ZNF774: variants seen among roughly 807,000 people sequenced by gnomAD.
ZNF774 encodes zinc finger protein 774.
Under a neutral mutation model 11.1 loss-of-function variants are expected in ZNF774, and 14 were observed. That is an observed-to-expected ratio of 1.26 (90% CI 0.83 to 1.97). The LOEUF (loss-of-function observed/expected upper bound fraction) is 1.97. Ranked by LOEUF, ZNF774 falls within the 30% of genes most tolerant of loss-of-function variation. The pLI, the probability that ZNF774 is intolerant of heterozygous loss-of-function variation, is 0.00. For synonymous variants in ZNF774, 195 were observed against 212.6 expected, an observed-to-expected ratio of 0.92 and a Z score of 0.72; for missense variants, 599 against 587.0, an observed-to-expected ratio of 1.02 and a Z score of -0.21.
At chr15:90,352,529 GC>G in intron 1 of ZNF774, 118 bp downstream of exon 1, 1 of 152,494 alleles carries the variant, frequency 6.6e-6, no homozygotes, top group Non-Finnish European at 1.5e-5. Flanking sequence ...GCCTTTGGGA[GC>G]CCCCGGGTCT....
In ZNF774 at chr15:90,361,252, T is replaced by G. The variant is rs751304289; in HGVS notation, c.1421T>G (p.Leu474Arg). ...AAGAGCTTCCGTCAGAAAGCGCATCTTTTATGCCATCAAAACACCCATTTG... is the reference window on the plus strand; with the variant it reads ...AAGAGCTTCCGTCAGAAAGCGCATCGTTTATGCCATCAAAACACCCATTTG... Reference protein sequence around the residue: ...CNKSFRQKAHLLCHQNTHLI With the variant: ...CNKSFRQKAHRLCHQNTHLI Residue 474 changes from leucine (L) to arginine (R), a missense_variant, in exon 4 of 4, where the codon CTT becomes CGT. Transcript: ENST00000354377. The G allele has an allele frequency of 9.3e-6, 15 of 1,607,848 alleles. No homozygotes were observed. In the East Asian group the frequency reaches 2.9e-4, roughly 31 times the overall value.
chr15:90,354,075 TA>T (rs11333989), intron 1 of ZNF774, among the ~76,000 whole-genome samples: 2,027 of 150,844 alleles, frequency 0.013, 29 homozygotes, highest in African/African-American at 0.04. Flanking sequence ...TTCTTTTTTT[TA>T]AAAAAAAAAT....
rs59687959 is a variant in ZNF774 at position 90,362,748 on chromosome 15, T to TACACAC, written c.*1498_*1503dup. 1,262 of 489,496 alleles carry TACACAC rather than the reference T, an allele frequency of 2.6e-3. 6 individuals are homozygous for TACACAC. The highest frequency in any genetic ancestry group is 3.3e-3 in the Middle Eastern group (6 of 1,814). The allele number at this position is 489,496 out of a possible 1,614,324, so 30.3% of individuals were successfully genotyped here. A position where few individuals can be genotyped will look rare whatever the true frequency, so the allele number is the denominator to read the frequency against. The stretch of plus-strand genomic sequence containing the variant: ...CAAGGTTGTTGTGAGGATCTAAAAA[T>TACACAC]ACACACACACACACACACACACACA... On this transcript the variant is annotated 3_prime_UTR_variant, in exon 4 of 4. Coordinates refer to ENST00000354377, the MANE Select transcript of ZNF774 (RefSeq NM_001004309.3).
chr15:90,356,006 C>T (rs572321881), intron 2 of ZNF774, among the ~76,000 whole-genome samples: 7 of 135,888 alleles, frequency 5.2e-5, no homozygotes, highest in East Asian at 2.2e-4. Context: ...CCATCCTGGG[C>T]GACAGAGCAA....
rs530184524 is a variant in ZNF774, at chr15:90,360,190, A to G, written c.359A>G (p.Gln120Arg). 1.2e-6 allele frequency: 2 copies of G among 1,614,202 alleles called. No homozygotes were observed. The highest frequency in any genetic ancestry group is 4.5e-5 in the East Asian group (2 of 44,884). ...NWEQGLELEG[Q>R]HGTLPGEGQL... ...GAGCAAGGCCTAGAATTAGAAGGGC[A>G]ACATGGAACCCTTCCAGGAGAGGGC... Residue 120 changes from glutamine (Q) to arginine (R), a missense_variant, in exon 4 of 4, where the codon CAA becomes CGA. Transcript: ENST00000354377.
chr15:90,359,022 T>C, intron 3 of ZNF774, 65 bp downstream of exon 3: 1 of 1,294,348 alleles, frequency 7.7e-7, no homozygotes, highest in Non-Finnish European at 1.1e-6. Context: ...GATGAAGAAT[T>C]TGGAATGCTG....
intron 1 of ZNF774, among the ~76,000 whole-genome samples, chr15:90,353,425 A>AGTGTGTGTGTGTGTGTGTGTGT: frequency 7.2e-6 from 1 of 139,354 alleles, no homozygotes. Flanking sequence ...TTCCCCCAAA[A>AGTGTGTGTGTGTGTGTGTGTGT]GTGTGTGTGT....
Position 90,354,686 on chromosome 15 carries a change from G to A in ZNF774, c.26G>A (p.Ser9Asn). 1 of 1,611,350 alleles carries A rather than the reference G, an allele frequency of 6.2e-7. No homozygotes were observed. Among genetic ancestry groups the A allele is most frequent in the South Asian group, 1.1e-5 (1 of 90,126 alleles). MWLGTSGK[S>N]GLPGHCLENP... is the part of the protein sequence containing the mutation. ...ATGTGGCTGGGGACTTCAGGGAAGAGTGGGTTACCTGGACACTGCTTAGAG... is the reference window on the plus strand; with the variant it reads ...ATGTGGCTGGGGACTTCAGGGAAGAATGGGTTACCTGGACACTGCTTAGAG... Residue 9 changes from serine to asparagine, a missense_variant, in exon 2 of 4, where the codon AGT becomes AAT. Coordinates refer to ENST00000354377, the MANE Select transcript of ZNF774 (RefSeq NM_001004309.3).
In ZNF774 at chr15:90,360,029, C is replaced by A; in HGVS notation, c.212-14C>A. The A allele has an allele frequency of 1.3e-6, 2 of 1,584,796 alleles. No homozygotes were observed. The highest frequency in any genetic ancestry group is 8.6e-7 in the Non-Finnish European group (1 of 1,166,076). On this transcript the variant is annotated splice_polypyrimidine_tract_variant and intron_variant, in intron 3 of 3. Transcript: ENST00000354377. Reference sequence around the variant, plus strand: ...TGATAACTTTATTCTCTGTTACTTACATTAATTTTTCAGACTGTGAGCATC... The same window carrying A: ...TGATAACTTTATTCTCTGTTACTTAAATTAATTTTTCAGACTGTGAGCATC...
At chr15:90,359,158 C>T (rs960153862) in intron 3 of ZNF774, among the ~76,000 whole-genome samples, 9 of 150,942 alleles carry the variant, frequency 6.0e-5, no homozygotes, top group South Asian at 2.1e-4. Flanking sequence ...CTGCAAGCTC[C>T]GCTTCCCGGG....
Position 90,362,576 on chromosome 15 carries a change from A to C in ZNF774, c.*1293A>C. ...CCAGGTTATGCACTAGTACATTCCTACATTCAATTGAAATAAATTGAGGGA... is the reference window on the plus strand; with the variant it reads ...CCAGGTTATGCACTAGTACATTCCTCCATTCAATTGAAATAAATTGAGGGA... On this transcript the variant is annotated 3_prime_UTR_variant, in exon 4 of 4. Coordinates refer to ENST00000354377, the MANE Select transcript of ZNF774 (RefSeq NM_001004309.3). 6.5e-7 allele frequency: 1 copy of C among 1,535,818 alleles called. No homozygotes were observed. The highest frequency in any genetic ancestry group is 8.7e-7 in the Non-Finnish European group (1 of 1,146,642).
intron 1 of ZNF774, among the ~76,000 whole-genome samples, chr15:90,353,125 AC>A (rs1964196708): frequency 6.6e-6 from 1 of 151,806 alleles, no homozygotes; most frequent in East Asian, 1.9e-4. Context: ...GTGCCACCAC[AC>A]CCGGCTAATT....
chr15:90,362,567 T>C lies in ZNF774; in HGVS notation c.*1284T>C. ...TAGGGCCATCCAGGTTATGCACTAGTACATTCCTACATTCAATTGAAATAA... is the reference window on the plus strand; with the variant it reads ...TAGGGCCATCCAGGTTATGCACTAGCACATTCCTACATTCAATTGAAATAA... On this transcript the variant is annotated 3_prime_UTR_variant, in exon 4 of 4. Coordinates refer to ENST00000354377, the MANE Select transcript of ZNF774 (RefSeq NM_001004309.3). 2 of 1,535,878 alleles carry C rather than the reference T, an allele frequency of 1.3e-6. No homozygotes were observed.
Position 90,360,944 on chromosome 15 carries a change from T to C in ZNF774, c.1113T>C (p.Gly371=). 1 of 1,613,946 alleles carries C rather than the reference T, an allele frequency of 6.2e-7. No individual in the cohort carries two copies. Among genetic ancestry groups the C allele is most frequent in the East Asian group, 2.2e-5 (1 of 44,872 alleles). The change falls in exon 4 of 4, where the codon GGT becomes GGC. Residue 371 remains glycine, a synonymous_variant. Transcript: ENST00000354377. ...TCACGCACCAAAGAACACACACAGG[T>C]GAGAGACCTTTTAAGTGCGAAAACT... is the stretch of plus-strand genomic sequence containing the variant. ...HLVTHQRTHT[G]ERPFKCENCG...
intron 2 of ZNF774, among the ~76,000 whole-genome samples, chr15:90,358,593 G>T (rs988833737): frequency 1.3e-5 from 2 of 152,066 alleles, no homozygotes; most frequent in African/African-American, 2.4e-5. Context: ...AATGGTTATT[G>T]TATTTACTTC....
chr15:90,359,856 G>C (rs1964300679), intron 3 of ZNF774, among the ~76,000 whole-genome samples, 187 bp from the exon 4 acceptor site: 1 of 152,230 alleles, frequency 6.6e-6, no homozygotes, highest in African/African-American at 2.4e-5. Context: ...AATTTAAAAA[G>C]TTTAGGAATT....
chr15:90,357,490 AAG>A (rs1305232400), intron 2 of ZNF774, among the ~76,000 whole-genome samples: 1 of 152,244 alleles, frequency 6.6e-6, no homozygotes, highest in African/African-American at 2.4e-5. Context: ...GTGACAGAGC[AAG>A]AGCCTGTCTC....
chr15:90,359,012 G>T, intron 3 of ZNF774, 55 bp downstream of exon 3: 2 of 1,344,114 alleles, frequency 1.5e-6, no homozygotes. Flanking sequence ...GCCTTGTTTA[G>T]ATGAAGAATT....
At chr15:90,355,079 A>G (rs1964225935) in intron 2 of ZNF774, among the ~76,000 whole-genome samples, 1 of 152,146 alleles carries the variant, frequency 6.6e-6, no homozygotes, top group Non-Finnish European at 1.5e-5. Flanking sequence ...TCCGCCTTCC[A>G]AAGTGCTAGG....
Sources: allele counts gnomAD v4.1 joint callset (sites outside exome capture counted in the v4.1 genomes callset), GRCh38; gene constraint gnomAD v4.1.1; transcripts MANE v1.5; gene names NCBI Gene and HGNC (gene_info 2026-07-23, HGNC 2026-07-21).